CACNA2D2: variants seen among roughly 807,000 people sequenced by gnomAD.
The protein encoded by CACNA2D2 is voltage-dependent calcium channel subunit alpha-2/delta-2.
A neutral mutation model predicts 166.4 loss-of-function variants in CACNA2D2; 48 were observed. The ratio of observed to expected loss-of-function variants is 0.29; its 90% CI spans 0.23 to 0.37. The LOEUF is 0.37. CACNA2D2 is among the 10% of genes least tolerant of loss of function. CACNA2D2 has a pLI of 1.00. For synonymous variants in CACNA2D2, 561 were observed against 573.7 expected, an observed-to-expected ratio of 0.98 and a Z score of 0.32; for missense variants, 1,122 against 1,433.0, an observed-to-expected ratio of 0.78 and a Z score of 3.50.
chr3:50,366,973 C>G lies in CACNA2D2; in HGVS notation c.2500+38G>C. On this transcript the variant is annotated intron_variant, in intron 28 of 37. Transcript: ENST00000424201. This position sits in a 1 kb window ranked among gnomAD's most constrained non-coding sequence, Gnocchi z 5.9. ...GCTACCTGCCCAGGCAGTACCCTGT[C>G]CATTGCCTGTTTCCCCACCTCTGTC... 5 of 1,611,866 alleles carry G rather than the reference C, an allele frequency of 3.1e-6. No homozygotes were observed. Among genetic ancestry groups the G allele is most frequent in the Non-Finnish European group, 4.2e-6 (5 of 1,178,282 alleles).
At chr3:50,500,863 G>A (rs1698935027) in intron 1 of CACNA2D2, among the ~76,000 whole-genome samples, 1 of 151,634 alleles carries the variant, frequency 6.6e-6, no homozygotes. Flanking sequence ...GGTGGGCAGA[G>A]AGCCATGCTG....
In CACNA2D2 at chr3:50,428,849, A is replaced by C. The variant is rs1707924723; in HGVS notation, c.405+5464T>G. Among the ~76,000 whole-genome samples the C allele has an allele frequency of 2.0e-5, 3 of 152,240 alleles. No homozygotes were observed. The South Asian group carries it at 6.2e-4, about 32-fold the overall frequency. The stretch of plus-strand genomic sequence containing the variant: ...GACCCTGTCCCACTCTGGACAGCAA[A>C]CACCACATGGCCACTAATGGTAGCA... On this transcript the variant is annotated intron_variant, in intron 3 of 37. Coordinates refer to ENST00000424201, the MANE Select transcript of CACNA2D2 (RefSeq NM_006030.4).
chr3:50,365,615 C>T lies in CACNA2D2; in HGVS notation c.2971+18G>A. Reference sequence around the variant, plus strand: ...TGGGGACCCGGACTTGAGGAGGCGCCTCCAAAGCCCTACCTACCTGCTTGG... The same window carrying T: ...TGGGGACCCGGACTTGAGGAGGCGCTTCCAAAGCCCTACCTACCTGCTTGG... On this transcript the variant is annotated intron_variant, in intron 34 of 37. Transcript: ENST00000424201. The surrounding 1 kb of genome is among the most constrained non-coding windows in gnomAD (Gnocchi z 4.5). 6.4e-7 allele frequency: 1 copy of T among 1,572,674 alleles called. No individual in the cohort carries two copies. The highest frequency in any genetic ancestry group is 1.2e-5 in the South Asian group (1 of 86,328).
Position 50,380,724 on chromosome 3 carries a change from C to A in CACNA2D2, c.842+24G>T. The A allele has an allele frequency of 6.7e-7, 1 of 1,498,282 alleles. No individual in the cohort carries two copies. The highest frequency in any genetic ancestry group is 1.4e-5 in the African/African-American group (1 of 71,038). The allele number at this position is 1,498,282 out of a possible 1,614,324, so 92.8% of individuals were successfully genotyped here. ...GTGGGGAACTGAGGGGGTGTCCCTC[C>A]CCAGCCCCTTCTTGCTCGCTCACCA... is the stretch of plus-strand genomic sequence containing the variant. On this transcript the variant is annotated intron_variant, in intron 8 of 37. Transcript: ENST00000424201. This position sits in a 1 kb window ranked among gnomAD's most constrained non-coding sequence, Gnocchi z 4.9.
intron 1 of CACNA2D2, among the ~76,000 whole-genome samples, chr3:50,495,796 G>A (rs1698700328): frequency 6.6e-6 from 1 of 152,332 alleles, no homozygotes; most frequent in African/African-American, 2.4e-5. Flanking sequence ...CACTCTGCCT[G>A]AGCCCAGGCT....
At chr3:50,437,570 TC>T (rs1708408452) in intron 2 of CACNA2D2, among the ~76,000 whole-genome samples, 1 of 152,140 alleles carries the variant, frequency 6.6e-6, no homozygotes, top group African/African-American at 2.4e-5. Context: ...CTCCAATTGT[TC>T]CTGTCTTCTA....
chr3:50,380,717 G>A lies in CACNA2D2; in HGVS notation c.842+31C>T, dbSNP rs757383163. ...AGGAAAGGTGGGGAACTGAGGGGGT[G>A]TCCCTCCCCAGCCCCTTCTTGCTCG... is the stretch of plus-strand genomic sequence containing the variant. On this transcript the variant is annotated intron_variant, in intron 8 of 37. Coordinates refer to ENST00000424201, the MANE Select transcript of CACNA2D2 (RefSeq NM_006030.4). The surrounding 1 kb of genome is among the most constrained non-coding windows in gnomAD (Gnocchi z 4.9). 14 of 1,476,738 alleles carry A rather than the reference G, an allele frequency of 9.5e-6. No individual in the cohort carries two copies. The highest frequency in any genetic ancestry group is 1.8e-4 in the Middle Eastern group (1 of 5,646). 91.5% of individuals were successfully genotyped at this position (1,476,738 alleles called of 1,614,324 possible).
Position 50,370,227 on chromosome 3 carries a change from C to T in CACNA2D2, c.2045+93G>A, listed in dbSNP as rs1704579470. The T allele has an allele frequency of 9.2e-6, 8 of 865,500 alleles. No homozygotes were observed. In the East Asian group the frequency reaches 1.1e-4, roughly 11 times the overall value. 53.6% of individuals were successfully genotyped at this position (865,500 alleles called of 1,614,324 possible). A position where few individuals can be genotyped will look rare whatever the true frequency, so the allele number is the denominator to read the frequency against. On this transcript the variant is annotated intron_variant, in intron 23 of 37. Transcript: ENST00000424201. ...CCGGGGGATGACACTGCACAGGACA[C>T]AGACACACAGAGCTCCAGGCAGCAG...
At chr3:50,364,866 G>A in intron 37 of CACNA2D2, 22 bp downstream of exon 37, 1 of 1,613,360 alleles carries the variant, frequency 6.2e-7, no homozygotes, top group Non-Finnish European at 8.5e-7. Context: ...GGGATTTCGG[G>A]TCCACCGCCC....
In CACNA2D2 at chr3:50,378,936, A is replaced by G. The variant is rs757690286; in HGVS notation, c.1318T>C (p.Trp440Arg). Residue 440 changes from tryptophan (W) to arginine (R), a missense_variant, in exon 13 of 38, where the codon TGG becomes CGG. Transcript: ENST00000424201. ...QHNYDVTPLQWMACANKGYYF... is the reference protein window; with the variant it reads ...QHNYDVTPLQRMACANKGYYF... Reference sequence around the variant, plus strand: ...GTACCTTTGTTGGCACAGGCCATCCACTGCAGCGGTGTGACGTCATAGTTA... The same window carrying G: ...GTACCTTTGTTGGCACAGGCCATCCGCTGCAGCGGTGTGACGTCATAGTTA... The G allele has an allele frequency of 6.2e-7, 1 of 1,613,836 alleles. No homozygotes were observed. Among genetic ancestry groups the G allele is most frequent in the South Asian group, 1.1e-5 (1 of 91,072 alleles).
chr3:50,368,099 G>T, intron 24 of CACNA2D2, 39 bp downstream of exon 24: 1 of 1,471,264 alleles, frequency 6.8e-7, no homozygotes, highest in South Asian at 1.1e-5. Context: ...CATGCTGCCT[G>T]GGCACTGCCC....
At chr3:50,397,889 C>A (rs73832873) in intron 3 of CACNA2D2, among the ~76,000 whole-genome samples, 5,280 of 152,288 alleles carry the variant, frequency 0.035, 321 homozygotes, top group African/African-American at 0.12. Context: ...CCAAGCTTAG[C>A]CCCACCTACC....
rs753493164 is a variant in CACNA2D2, at chr3:50,377,974, C to T, written c.1479+34G>A. On this transcript the variant is annotated intron_variant, in intron 15 of 37. Coordinates refer to ENST00000424201, the MANE Select transcript of CACNA2D2 (RefSeq NM_006030.4). The stretch of plus-strand genomic sequence containing the variant: ...TGGGCACATCTCCGGGGGAAGGGTG[C>T]CAGCCCCACCCCTTCCTTGTCCAGA... 6 of 1,586,682 alleles carry T rather than the reference C, an allele frequency of 3.8e-6. No individual in the cohort carries two copies. In the East Asian group the frequency reaches 1.3e-4, roughly 35 times the overall value.
At chr3:50,429,981 G>A (rs80161213) in intron 3 of CACNA2D2, among the ~76,000 whole-genome samples, 1 of 152,158 alleles carries the variant, frequency 6.6e-6, no homozygotes, top group Non-Finnish European at 1.5e-5. Flanking sequence ...TAAGGCAAAG[G>A]TCTGACCCTT....
At position 50,376,388 on chromosome 3, in the gene CACNA2D2, C is replaced by A. The variant is rs1178644261; in HGVS notation, c.1627-200G>T. Among the ~76,000 whole-genome samples the A allele has an allele frequency of 6.6e-6, 1 of 152,180 alleles. No individual in the cohort carries two copies. Among genetic ancestry groups the A allele is most frequent in the Non-Finnish European group, 1.5e-5 (1 of 68,020 alleles). On this transcript the variant is annotated intron_variant, in intron 17 of 37. Coordinates refer to ENST00000424201, the MANE Select transcript of CACNA2D2 (RefSeq NM_006030.4). This position sits in a 1 kb window ranked among gnomAD's most constrained non-coding sequence, Gnocchi z 4.3. ...AGGCGGGTTGCCCCTTGTGCACCAG[C>A]CCTTGCCAAGGCTAACCGGCGTGTG... is the stretch of plus-strand genomic sequence containing the variant.
intron 3 of CACNA2D2, among the ~76,000 whole-genome samples, chr3:50,404,197 G>A (rs990964103): frequency 2.6e-4 from 39 of 152,270 alleles, no homozygotes; most frequent in African/African-American, 7.9e-4. Flanking sequence ...CCAAGATGGT[G>A]TGGGGGGTGA....
At chr3:50,454,269 G>A (rs2106969947) in intron 2 of CACNA2D2, among the ~76,000 whole-genome samples, 1 of 152,306 alleles carries the variant, frequency 6.6e-6, no homozygotes, top group East Asian at 1.9e-4. Context: ...GAAGGGGAAG[G>A]GACCGAGCCG....
At chr3:50,474,768 T>C (rs1204411048) in intron 2 of CACNA2D2, among the ~76,000 whole-genome samples, 1 of 152,206 alleles carries the variant, frequency 6.6e-6, no homozygotes, top group Non-Finnish European at 1.5e-5. Flanking sequence ...AGTGGCTACT[T>C]GGAGCCTGGT....
At chr3:50,486,302 G>A (rs867859155) in intron 1 of CACNA2D2, among the ~76,000 whole-genome samples, 1 of 152,152 alleles carries the variant, frequency 6.6e-6, no homozygotes. Flanking sequence ...AGCTGAAGCT[G>A]GACTAGAGGT....
Sources: gnomAD v4.1 joint callset for allele counts (sites outside exome capture counted in the v4.1 genomes callset) on GRCh38, gnomAD v4.1.1 for gene constraint, Gnocchi (gnomAD v3.1) non-coding constraint, MANE v1.5 for transcripts, NCBI Gene and HGNC (gene_info 2026-07-23, HGNC 2026-07-21) for gene names.